Variants in CADM2 observed in about 807,000 individuals in gnomAD.
CADM2 encodes the protein cell adhesion molecule 2.
Under a neutral mutation model 49.8 loss-of-function variants are expected in CADM2, and 12 were observed. The observed-to-expected ratio is 0.24, with a 90% CI of 0.15 to 0.39. The LOEUF (loss-of-function observed/expected upper bound fraction) is 0.39. Ranked by LOEUF, CADM2 falls within the 10% of genes least tolerant of loss-of-function variation. CADM2 has a pLI of 1.00. For synonymous variants in CADM2, 214 were observed against 175.4 expected (o/e 1.22, Z -1.74); for missense variants, 378 against 492.3 (o/e 0.77, Z 2.20).
chr3:86,034,247 G>A (rs182693858), intron 8 of CADM2, among the ~76,000 whole-genome samples: 2 of 152,042 alleles, frequency 1.3e-5, no homozygotes, highest in South Asian at 4.1e-4. Context: ...TATGGACTGA[G>A]AATGTGATAT....
chr3:85,392,548 A>G (rs1036164646), intron 1 of CADM2, among the ~76,000 whole-genome samples: 3 of 152,130 alleles, frequency 2.0e-5, no homozygotes, highest in African/African-American at 7.2e-5. Flanking sequence ...GGCAGAACAT[A>G]CATCCTCCTA....
chr3:85,620,749 A>T (rs2063950028), intron 1 of CADM2, among the ~76,000 whole-genome samples: 1 of 152,118 alleles, frequency 6.6e-6, no homozygotes, highest in Admixed American at 6.6e-5. Context: ...AATAGTCCTG[A>T]GGTCTATCAG....
At chr3:85,200,083 G>A (rs2041453785) in intron 1 of CADM2, among the ~76,000 whole-genome samples, 1 of 152,050 alleles carries the variant, frequency 6.6e-6, no homozygotes, top group African/African-American at 2.4e-5. Context: ...TGAAAGCAGT[G>A]TAAAAGTCAA....
intron 1 of CADM2, among the ~76,000 whole-genome samples, chr3:85,651,984 C>CTTTTTT (rs75263402): frequency 1.9e-5 from 2 of 105,464 alleles, no homozygotes; most frequent in African/African-American, 3.6e-5. Context: ...CGCCCGGCTA[C>CTTTTTT]TTTTTTTTTT....
intron 3 of CADM2, among the ~76,000 whole-genome samples, chr3:85,866,635 A>C (rs1328732445): frequency 6.6e-6 from 1 of 152,068 alleles, no homozygotes; most frequent in African/African-American, 2.4e-5. Flanking sequence ...TCCTCTATAC[A>C]TATTCAGTGT....
At position 85,775,524 on chromosome 3, in the gene CADM2, C is replaced by A. The variant is rs149307583; in HGVS notation, c.89-26523C>A. Among the ~76,000 whole-genome samples the A allele has an allele frequency of 6.3e-3, 957 of 151,814 alleles. 8 individuals are homozygous for A. Among genetic ancestry groups the A allele is most frequent in the Non-Finnish European group, 8.3e-3 (564 of 67,706 alleles). On this transcript the variant is annotated intron_variant, in intron 2 of 9. Transcript: ENST00000383699. ...CTTTATAAACTTGAAAATCAAAATC[C>A]ACTCGGAATGATTTATTAAGATAAT...
At chr3:85,714,831 T>A (rs1444463207) in intron 1 of CADM2, among the ~76,000 whole-genome samples, 2 of 152,210 alleles carry the variant, frequency 1.3e-5, no homozygotes, top group African/African-American at 2.4e-5. Context: ...CTGGGTAATC[T>A]CCAGGTGGTG....
chr3:85,357,181 C>G (rs2107263270), intron 1 of CADM2, among the ~76,000 whole-genome samples: 1 of 152,206 alleles, frequency 6.6e-6, no homozygotes, highest in African/African-American at 2.4e-5. Context: ...ATTGGCTTAA[C>G]TTTGGAAATG....
At chr3:85,866,427 T>C (rs933520684) in intron 3 of CADM2, among the ~76,000 whole-genome samples, 1 of 152,200 alleles carries the variant, frequency 6.6e-6, no homozygotes, top group African/African-American at 2.4e-5. Context: ...AACAGTTTTC[T>C]TGATTCATTG....
At chr3:85,988,794 GA>G (rs1728424534) in intron 8 of CADM2, among the ~76,000 whole-genome samples, 2 of 152,026 alleles carry the variant, frequency 1.3e-5, no homozygotes, top group African/African-American at 4.8e-5. Flanking sequence ...TTTCATCTTA[GA>G]AAAAAGAGAT....
chr3:85,075,823 A>T (rs2036920419), intron 1 of CADM2, among the ~76,000 whole-genome samples: 1 of 152,200 alleles, frequency 6.6e-6, no homozygotes, highest in African/African-American at 2.4e-5. Context: ...ATGCAACACA[A>T]CTATTGAATT....
chr3:85,117,673 A>T (rs1370297209), intron 1 of CADM2, among the ~76,000 whole-genome samples: 1 of 152,172 alleles, frequency 6.6e-6, no homozygotes, highest in Non-Finnish European at 1.5e-5. Flanking sequence ...ACAGGGTGTT[A>T]TAGGGATTAG....
intron 1 of CADM2, among the ~76,000 whole-genome samples, chr3:85,351,709 T>A (rs937985056): frequency 2.0e-5 from 3 of 152,152 alleles, no homozygotes; most frequent in Non-Finnish European, 4.4e-5. Context: ...GAAAAATTGC[T>A]TGTAATGCAG....
At chr3:85,533,138 A>T (rs941437750) in intron 1 of CADM2, among the ~76,000 whole-genome samples, 5 of 152,186 alleles carry the variant, frequency 3.3e-5, no homozygotes, top group African/African-American at 1.2e-4. Context: ...CTGTACATCT[A>T]TCCCTAAACT....
chr3:85,753,860 G>A (rs559673798), intron 2 of CADM2, among the ~76,000 whole-genome samples: 15 of 152,252 alleles, frequency 9.9e-5, no homozygotes, highest in African/African-American at 3.6e-4. Context: ...GAGAGACTGA[G>A]ACAAGTTTTA....
intron 1 of CADM2, among the ~76,000 whole-genome samples, chr3:85,351,432 G>C (rs1342135860): frequency 6.6e-6 from 1 of 152,160 alleles, no homozygotes; most frequent in Non-Finnish European, 1.5e-5. Context: ...TTAAATGGGA[G>C]TAAGTTAACA....
chr3:85,256,905 T>C (rs1037422867), intron 1 of CADM2, among the ~76,000 whole-genome samples: 1 of 152,124 alleles, frequency 6.6e-6, no homozygotes, highest in African/African-American at 2.4e-5. Flanking sequence ...TACATTTGTG[T>C]TGGGATTTAA....
At chr3:86,037,148 G>T (rs1168966231) in intron 8 of CADM2, among the ~76,000 whole-genome samples, 1 of 151,924 alleles carries the variant, frequency 6.6e-6, no homozygotes, top group African/African-American at 2.4e-5. Context: ...TATTGCTTTT[G>T]CATTTTTTTG....
chr3:85,568,134 ATCAAATTGACAGC>A (rs977384276), intron 1 of CADM2, among the ~76,000 whole-genome samples: 27 of 152,150 alleles, frequency 1.8e-4, no homozygotes, highest in African/African-American at 6.3e-4. Context: ...CCTTAATTCC[ATCAAATTGACAGC>A]TCAAATCACA....
Sources: allele counts gnomAD v4.1 joint callset (sites outside exome capture counted in the v4.1 genomes callset), GRCh38; gene constraint gnomAD v4.1.1; transcripts MANE v1.5; gene names NCBI Gene and HGNC (gene_info 2026-07-23, HGNC 2026-07-21).